Variants in TAF2 observed in about 807,000 individuals in gnomAD.
TAF2 encodes the protein transcription initiation factor TFIID subunit 2.
A neutral mutation model predicts 138.5 loss-of-function variants in TAF2; 61 were observed. The ratio of observed to expected loss-of-function variants is 0.44; its 90% CI spans 0.36 to 0.54. The LOEUF (loss-of-function observed/expected upper bound fraction) is 0.54. Ranked by LOEUF, TAF2 falls within the 20% of genes least tolerant of loss-of-function variation. The pLI, the probability that TAF2 is intolerant of heterozygous loss-of-function variation, is 0.00. For missense variants in TAF2, 1,090 were observed against 1,427.9 expected, an observed-to-expected ratio of 0.76 and a Z score of 3.81; for synonymous variants, 475 against 469.9, an observed-to-expected ratio of 1.01 and a Z score of -0.14.
chr8:119,811,962 C>A (rs1825098440), intron 3 of TAF2, among the ~76,000 whole-genome samples: 1 of 152,004 alleles, frequency 6.6e-6, no homozygotes, highest in South Asian at 2.1e-4. Flanking sequence ...ACTACAAATG[C>A]AACTTTTTTG....
chr8:119,771,826 C>T (rs1284757562), intron 18 of TAF2, among the ~76,000 whole-genome samples: 1 of 152,118 alleles, frequency 6.6e-6, no homozygotes, highest in Non-Finnish European at 1.5e-5. Context: ...AAACTAGAAT[C>T]TAGACCAAAT....
At chr8:119,830,447 A>T (rs1032300967) in intron 2 of TAF2, among the ~76,000 whole-genome samples, 1 of 152,172 alleles carries the variant, frequency 6.6e-6, no homozygotes, top group Non-Finnish European at 1.5e-5. Context: ...AGATTACCGC[A>T]GTAACCTCTG....
In TAF2 at chr8:119,803,955, A is replaced by G. The variant is rs144313180; in HGVS notation, c.483T>C (p.Phe161=). ...TACTTCCCTCTACACTGGGTACCAC[A>G]AAATGAAGACCTCCTTTGGGCTGAT... ...SLDQPKGGLH[F]VVPSVEGSMA... Residue 161 remains phenylalanine (F), a synonymous_variant, in exon 5 of 26, where the codon TTT becomes TTC. Coordinates refer to ENST00000378164, the MANE Select transcript of TAF2 (RefSeq NM_003184.4). 1.9e-6 allele frequency: 3 copies of G among 1,614,136 alleles called. No individual in the cohort carries two copies. Among genetic ancestry groups the G allele is most frequent in the Non-Finnish European group, 2.5e-6 (3 of 1,180,010 alleles).
At chr8:119,769,292 C>A (rs917709946) in intron 18 of TAF2, among the ~76,000 whole-genome samples, 1 of 152,072 alleles carries the variant, frequency 6.6e-6, no homozygotes, top group East Asian at 1.9e-4. Flanking sequence ...TATAGTTGCA[C>A]CCTCAAGGTG....
intron 2 of TAF2, among the ~76,000 whole-genome samples, chr8:119,821,753 G>A (rs569930761): frequency 3.3e-5 from 5 of 152,228 alleles, no homozygotes; most frequent in East Asian, 1.9e-4. Context: ...TATGACAACC[G>A]AACAGCCAGG....
intron 2 of TAF2, among the ~76,000 whole-genome samples, chr8:119,829,234 AG>A (rs773658365): frequency 2.0e-5 from 3 of 152,204 alleles, no homozygotes; most frequent in African/African-American, 4.8e-5. Flanking sequence ...TTCCACAAAA[AG>A]GAAACTGGAA....
At chr8:119,784,231 C>T (rs1411606891) in intron 15 of TAF2, among the ~76,000 whole-genome samples, 1 of 152,124 alleles carries the variant, frequency 6.6e-6, no homozygotes, top group Non-Finnish European at 1.5e-5. Context: ...TTACTACAGG[C>T]AGGGTACTTG....
chr8:119,781,002 C>A, intron 17 of TAF2, 51 bp downstream of exon 17: 5 of 1,482,634 alleles, frequency 3.4e-6, no homozygotes, highest in Non-Finnish European at 2.8e-6. Flanking sequence ...CAGTCTCCAA[C>A]TTAAACTGAA....
At chr8:119,819,309 C>T in intron 3 of TAF2, 37 bp downstream of exon 3, 2 of 1,595,650 alleles carry the variant, frequency 1.3e-6, no homozygotes, top group East Asian at 2.2e-5. Flanking sequence ...TTTTTCAAAA[C>T]TGTTAAAAAT....
chr8:119,736,989 G>T (rs547872712), intron 25 of TAF2, among the ~76,000 whole-genome samples: 1 of 152,094 alleles, frequency 6.6e-6, no homozygotes, highest in Non-Finnish European at 1.5e-5. Flanking sequence ...GTATGAGTTG[G>T]AAACACTAGA....
At chr8:119,810,557 A>T (rs1253448075) in intron 3 of TAF2, among the ~76,000 whole-genome samples, 1 of 152,226 alleles carries the variant, frequency 6.6e-6, no homozygotes, top group African/African-American at 2.4e-5. Flanking sequence ...CTTTCTAAAA[A>T]TCTACAAAAC....
chr8:119,761,331 T>C (rs1793109985), intron 19 of TAF2, among the ~76,000 whole-genome samples: 1 of 152,178 alleles, frequency 6.6e-6, no homozygotes, highest in Non-Finnish European at 1.5e-5. Context: ...AGCCTAGGTA[T>C]ACAGCAGGCT....
intron 22 of TAF2, among the ~76,000 whole-genome samples, chr8:119,755,235 A>G (rs1820618474): frequency 6.6e-6 from 1 of 152,222 alleles, no homozygotes; most frequent in Admixed American, 6.5e-5. Flanking sequence ...GGCTGGGTAC[A>G]GTGTTTCACA....
At chr8:119,812,718 G>GGTGT (rs201947539) in intron 3 of TAF2, among the ~76,000 whole-genome samples, 7,665 of 143,858 alleles carry the variant, frequency 0.053, 249 homozygotes, top group Non-Finnish European at 0.076. Context: ...AGTATTCCAT[G>GGTGT]GTGTGTGTGT....
At chr8:119,792,959 T>C (rs1278461125) in intron 10 of TAF2, among the ~76,000 whole-genome samples, 1 of 152,154 alleles carries the variant, frequency 6.6e-6, no homozygotes, top group Non-Finnish European at 1.5e-5. Flanking sequence ...TCTGTGGTAC[T>C]TTGGTATAGT....
intron 22 of TAF2, 129 bp downstream of exon 22, chr8:119,755,877 G>A: frequency 4.3e-6 from 3 of 699,846 alleles, no homozygotes; most frequent in Non-Finnish European, 7.3e-6. Context: ...AGGTGTGATA[G>A]TCTACTTAAA....
In TAF2 at chr8:119,731,897, GA is replaced by G; in HGVS notation, c.*26del. 6.2e-7 allele frequency: 1 copy of G among 1,603,888 alleles called. No homozygotes were observed. The highest frequency in any genetic ancestry group is 8.5e-7 in the Non-Finnish European group (1 of 1,170,898). On this transcript the variant is annotated 3_prime_UTR_variant, in exon 26 of 26. Transcript: ENST00000378164. Reference sequence around the variant, plus strand: ...TAGTTACATACATTCTTCTGGACATGAAAGGAAAGGTCTTTTTGTCCCCTTC... The same window carrying G: ...TAGTTACATACATTCTTCTGGACATGAAGGAAAGGTCTTTTTGTCCCCTTC...
chr8:119,799,524 T>C (rs1195430264), intron 6 of TAF2, among the ~76,000 whole-genome samples: 1 of 152,226 alleles, frequency 6.6e-6, no homozygotes, highest in African/African-American at 2.4e-5. Context: ...ATGATGCATA[T>C]GTGCCACATT....
chr8:119,786,781 G>A (rs1487230716), intron 14 of TAF2, among the ~76,000 whole-genome samples: 1 of 152,140 alleles, frequency 6.6e-6, no homozygotes, highest in Non-Finnish European at 1.5e-5. Flanking sequence ...AAGTAGCGGG[G>A]CGTGGTGGCA....
Sources: gnomAD v4.1 joint callset for allele counts (sites outside exome capture counted in the v4.1 genomes callset) on GRCh38, gnomAD v4.1.1 for gene constraint, MANE v1.5 for transcripts, NCBI Gene and HGNC (gene_info 2026-07-23, HGNC 2026-07-21) for gene names.